Variants in PRKCZ observed in about 807,000 individuals in gnomAD.
PRKCZ encodes the protein protein kinase C zeta type.
In PRKCZ, 33 loss-of-function variants were observed where a neutral mutation model predicts 79.5. That is an observed-to-expected ratio of 0.41 (90% confidence interval 0.31 to 0.55). The LOEUF (loss-of-function observed/expected upper bound fraction) is 0.55, where lower values mean the gene tolerates loss of function less well. PRKCZ is among the 20% of genes least tolerant of loss of function. The probability of loss-of-function intolerance (pLI) is 0.19; values close to 1 mark genes in which losing one functional copy is unlikely to be tolerated. For missense variants in PRKCZ, 578 were observed against 813.5 expected (o/e 0.71, Z 3.52); for synonymous variants, 342 against 320.9 (o/e 1.07, Z -0.70).
At chr1:2,132,032 C>T (rs3128292) in intron 4 of PRKCZ, among the ~76,000 whole-genome samples, 4 of 152,072 alleles carry the variant, frequency 2.6e-5, no homozygotes, top group Non-Finnish European at 4.4e-5. Flanking sequence ...AGGATGGTCT[C>T]GATCTCCTGA....
intron 4 of PRKCZ, among the ~76,000 whole-genome samples, chr1:2,066,930 G>A (rs1458560291): frequency 6.6e-6 from 1 of 152,076 alleles, no homozygotes; most frequent in Non-Finnish European, 1.5e-5. Context: ...TTTCTCCTTA[G>A]CATTGCTTTC....
At chr1:2,155,598 G>A (rs1347845129) in intron 9 of PRKCZ, among the ~76,000 whole-genome samples, 2 of 89,972 alleles carry the variant, frequency 2.2e-5, no homozygotes, top group African/African-American at 6.0e-5. Flanking sequence ...CGGTGGTGGT[G>A]ATGATGACAG....
intron 10 of PRKCZ, among the ~76,000 whole-genome samples, chr1:2,157,148 G>C (rs551957789): frequency 3.9e-5 from 6 of 152,120 alleles, no homozygotes; most frequent in Non-Finnish European, 8.8e-5. Flanking sequence ...GGTAGTCAGG[G>C]AAACGCAGCC....
At chr1:2,144,059 G>C (rs1677966066) in intron 5 of PRKCZ, 151 bp from the exon 6 acceptor site, 1 of 1,163,568 alleles carries the variant, frequency 8.6e-7, no homozygotes, top group African/African-American at 1.6e-5. Flanking sequence ...GCTTGGGCAA[G>C]CCTGGCGCCC....
In PRKCZ at chr1:2,075,664, C is replaced by G. The variant is rs541756454; in HGVS notation, c.334+16073C>G. On this transcript the variant is annotated intron_variant, in intron 4 of 17. Transcript: ENST00000378567. The surrounding 1 kb of genome is among the most constrained non-coding windows in gnomAD (Gnocchi z 4.8). ...CACCTCCCAGACTCACCTCTGGGCTCCGGGCTCTGCTGCGATGTTTCCGAG... is the reference window on the plus strand; with the variant it reads ...CACCTCCCAGACTCACCTCTGGGCTGCGGGCTCTGCTGCGATGTTTCCGAG... Among the ~76,000 whole-genome samples the G allele has an allele frequency of 2.1e-4, 32 of 152,310 alleles. No individual in the cohort carries two copies. Among genetic ancestry groups the G allele is most frequent in the South Asian group, 1.7e-3 (8 of 4,826 alleles).
chr1:2,116,211 C>T (rs1670724499), intron 4 of PRKCZ: 1 of 152,316 alleles, frequency 6.6e-6, no homozygotes, highest in African/African-American at 2.4e-5. Context: ...GTGGGAATTC[C>T]CGATGCACCT....
intron 4 of PRKCZ, among the ~76,000 whole-genome samples, chr1:2,060,239 C>T (rs369980305): frequency 3.3e-5 from 5 of 152,254 alleles, no homozygotes; most frequent in African/African-American, 4.8e-5. Flanking sequence ...GCTCCTGGAC[C>T]GAGGCCGCTG....
rs758284830 is a variant in PRKCZ at position 2,150,852 on chromosome 1, G to A, written c.750G>A (p.Gln250=). ...GIKISQGLGL[Q]DFDLIRVIGR... is the part of the protein sequence containing the mutation. ...AAATCTCTCAGGGGCTTGGGCTGCA[G>A]GACTTTGACCTAATCAGAGTCATCG... The change falls in exon 9 of 18, where the codon CAG becomes CAA. Residue 250 remains glutamine, a synonymous_variant. Transcript: ENST00000378567. 1 of 1,614,172 alleles carries A rather than the reference G, an allele frequency of 6.2e-7. No homozygotes were observed. Among genetic ancestry groups the A allele is most frequent in the Non-Finnish European group, 8.5e-7 (1 of 1,180,020 alleles).
At chr1:2,092,610 C>G (rs113003715) in intron 4 of PRKCZ, among the ~76,000 whole-genome samples, 8 of 152,264 alleles carry the variant, frequency 5.3e-5, no homozygotes, top group African/African-American at 1.9e-4. Context: ...GGTATAAATT[C>G]ATTGAGCTTG....
rs893194994 is a variant in PRKCZ at position 2,165,463 on chromosome 1, AACTT to A, written c.975-4050_975-4047del. Among the ~76,000 whole-genome samples, 52 of 152,138 alleles carry A rather than the reference AACTT, an allele frequency of 3.4e-4. 1 individual carries two copies. Among genetic ancestry groups the A allele is most frequent in the African/African-American group, 1.3e-3 (52 of 41,424 alleles). ...CCCATCTGTAAAATGGCGAGAGCTG[AACTT>A]ACTTCCTGGTGATGGGGTCAAGTGC... On this transcript the variant is annotated intron_variant, in intron 10 of 17. Transcript: ENST00000378567. This position sits in a 1 kb window ranked among gnomAD's most constrained non-coding sequence, Gnocchi z 4.1.
At chr1:2,056,947 C>T (rs954498112) in intron 3 of PRKCZ, among the ~76,000 whole-genome samples, 10 of 152,154 alleles carry the variant, frequency 6.6e-5, no homozygotes, top group Non-Finnish European at 1.3e-4. Flanking sequence ...CCAGGATGGT[C>T]TCAGTCTCCT....
chr1:2,184,845 A>T, intron 17 of PRKCZ, 77 bp from the exon 18 acceptor site: 1 of 1,432,532 alleles, frequency 7.0e-7, no homozygotes, highest in Non-Finnish European at 9.7e-7. Flanking sequence ...GAGGATTCTT[A>T]TGCGAACGTG....
At chr1:2,110,299 GC>G (rs1292951567) in intron 4 of PRKCZ, among the ~76,000 whole-genome samples, 3 of 152,234 alleles carry the variant, frequency 2.0e-5, no homozygotes, top group East Asian at 3.8e-4. Context: ...AACGGCCAGG[GC>G]TGAATCTGCC....
At chr1:2,088,332 G>T (rs926148292) in intron 4 of PRKCZ, among the ~76,000 whole-genome samples, 6 of 152,096 alleles carry the variant, frequency 3.9e-5, no homozygotes, top group Non-Finnish European at 8.8e-5. Flanking sequence ...CCGCCTCCCT[G>T]TTCCTCCCCT....
intron 4 of PRKCZ, among the ~76,000 whole-genome samples, chr1:2,059,932 G>A (rs978491209): frequency 9.9e-5 from 15 of 152,216 alleles, no homozygotes; most frequent in Admixed American, 2.0e-4. Flanking sequence ...TAGGCCAGTC[G>A]TCTGCTCCTC....
chr1:2,127,606 T>C lies in PRKCZ; in HGVS notation c.335-7656T>C, dbSNP rs1201717822. On this transcript the variant is annotated intron_variant, in intron 4 of 17. Transcript: ENST00000378567. This position sits in a 1 kb window ranked among gnomAD's most constrained non-coding sequence, Gnocchi z 5.1. ...GTTCAGACAGCTCTGCTGGGAGCGT[T>C]CTGGCCTGAAATGCAGTGGGAGCTC... Among the ~76,000 whole-genome samples the C allele has an allele frequency of 6.6e-6, 1 of 152,216 alleles. No individual in the cohort carries two copies. The highest frequency in any genetic ancestry group is 1.5e-5 in the Non-Finnish European group (1 of 68,034).
intron 4 of PRKCZ, among the ~76,000 whole-genome samples, chr1:2,118,762 G>T (rs1157908721): frequency 2.2e-5 from 2 of 88,922 alleles, no homozygotes; most frequent in Non-Finnish European, 5.6e-5. Context: ...TGTGAGATGA[G>T]GGGAGGGAGG....
intron 4 of PRKCZ, among the ~76,000 whole-genome samples, chr1:2,079,295 G>T (rs1481473752): frequency 1.3e-5 from 2 of 152,248 alleles, no homozygotes; most frequent in Admixed American, 1.3e-4. Context: ...GGCTTCCCGC[G>T]TGTGAACTCA....
chr1:2,165,604 G>A lies in PRKCZ; in HGVS notation c.975-3914G>A, dbSNP rs775239683. On this transcript the variant is annotated intron_variant, in intron 10 of 17. Transcript: ENST00000378567. This position sits in a 1 kb window ranked among gnomAD's most constrained non-coding sequence, Gnocchi z 4.1. Reference sequence around the variant, plus strand: ...ATATTTCCACCTTTGTGGGCCATGCGGCCTCTGTGGCAACTATGCGTTCTA... The same window carrying A: ...ATATTTCCACCTTTGTGGGCCATGCAGCCTCTGTGGCAACTATGCGTTCTA... 2.6e-5 allele frequency among the ~76,000 whole-genome samples: 4 copies of A among 152,212 alleles called. No individual in the cohort carries two copies. The highest frequency in any genetic ancestry group is 5.9e-5 in the Non-Finnish European group (4 of 68,042).
Sources: allele counts gnomAD v4.1 joint callset (sites outside exome capture counted in the v4.1 genomes callset), GRCh38; gene constraint gnomAD v4.1.1; non-coding constraint Gnocchi (gnomAD v3.1); transcripts MANE v1.5; gene names NCBI Gene and HGNC (gene_info 2026-07-23, HGNC 2026-07-21).